The following SPINK2 variants were observed in gnomAD, a reference collection of about 807,000 sequenced individuals.
SPINK2 encodes serine peptidase inhibitor Kazal type 2.
Under a neutral mutation model 13.5 loss-of-function variants are expected in SPINK2, and 8 were observed. The ratio of observed to expected loss-of-function variants is 0.59; its 90% CI spans 0.35 to 1.07. The LOEUF is 1.07. Ranked by LOEUF, SPINK2 falls within the 50% of genes least tolerant of loss-of-function variation. The probability of loss-of-function intolerance (pLI) is 0.02; values close to 1 mark genes in which losing one functional copy is unlikely to be tolerated. For missense variants in SPINK2, 148 were observed against 180.3 expected (o/e 0.82, Z 1.03); for synonymous variants, 76 against 74.7 (o/e 1.02, Z -0.09).
chr4:56,811,345 G>A (rs1316850548), intron 3 of SPINK2, among the ~76,000 whole-genome samples: 6 of 152,100 alleles, frequency 3.9e-5, no homozygotes, highest in Admixed American at 2.0e-4. Flanking sequence ...GAGGTCAGGC[G>A]CGGTGGCTCA....
At chr4:56,818,943 TAGGC>T (rs1287414681) in intron 2 of SPINK2, among the ~76,000 whole-genome samples, 1 of 152,178 alleles carries the variant, frequency 6.6e-6, no homozygotes, top group Non-Finnish European at 1.5e-5. Flanking sequence ...CTGGAGGACG[TAGGC>T]AAACAGGCAA....
chr4:56,817,345 ACTTT>A (rs1262472051), intron 2 of SPINK2, among the ~76,000 whole-genome samples: 1 of 152,218 alleles, frequency 6.6e-6, no homozygotes, highest in East Asian at 1.9e-4. Context: ...AAGACTTAAC[ACTTT>A]TAAGATGGCA....
intron 2 of SPINK2, among the ~76,000 whole-genome samples, chr4:56,812,140 C>T (rs1432502623): frequency 1.3e-5 from 2 of 151,258 alleles, no homozygotes; most frequent in Non-Finnish European, 3.0e-5. Context: ...ATGATCCACC[C>T]GCCTTGGCCT....
At chr4:56,810,381 G>A (rs111499339) in intron 3 of SPINK2, 197 bp from the exon 4 acceptor site, 3 of 578,020 alleles carry the variant, frequency 5.2e-6, no homozygotes, top group Admixed American at 3.6e-5. Context: ...TTTCCCTAAC[G>A]CTAGGGCACA....
chr4:56,821,422 A>G, intron 1 of SPINK2, 36 bp downstream of exon 1: 1 of 1,478,212 alleles, frequency 6.8e-7, no homozygotes. Flanking sequence ...GACTCCACAA[A>G]GCCACCCCCA....
intron 3 of SPINK2, among the ~76,000 whole-genome samples, chr4:56,811,344 C>G (rs527895792): frequency 6.6e-6 from 1 of 152,060 alleles, no homozygotes; most frequent in Non-Finnish European, 1.5e-5. Flanking sequence ...AGAGGTCAGG[C>G]GCGGTGGCTC....
intron 2 of SPINK2, among the ~76,000 whole-genome samples, chr4:56,819,772 T>C (rs1481505684): frequency 6.6e-6 from 1 of 152,060 alleles, no homozygotes; most frequent in Non-Finnish European, 1.5e-5. Flanking sequence ...CGTGCCATGA[T>C]GCCTGGCTAA....
intron 3 of SPINK2, 62 bp downstream of exon 3, chr4:56,811,623 A>G (rs1716983693): frequency 8.4e-7 from 1 of 1,195,892 alleles, no homozygotes; most frequent in Non-Finnish European, 1.2e-6. Flanking sequence ...TCAAAAAAAA[A>G]AAGAAGAAAA....
At chr4:56,815,793 C>A (rs568762927) in intron 2 of SPINK2, among the ~76,000 whole-genome samples, 3 of 147,698 alleles carry the variant, frequency 2.0e-5, no homozygotes. Flanking sequence ...CACACACACA[C>A]ACACAAAACT....
chr4:56,815,798 A>ACACACACAC (rs71194127), intron 2 of SPINK2, among the ~76,000 whole-genome samples: 3 of 149,338 alleles, frequency 2.0e-5, no homozygotes, highest in Non-Finnish European at 4.4e-5. Context: ...ACACACACAC[A>ACACACACAC]AAACTATTAT....
chr4:56,819,139 G>T (rs1294193333), intron 2 of SPINK2, among the ~76,000 whole-genome samples: 1 of 152,118 alleles, frequency 6.6e-6, no homozygotes, highest in East Asian at 1.9e-4. Context: ...GAAGCATTTA[G>T]AACACTGGTG....
At chr4:56,815,058 C>CT (rs1439277278) in intron 2 of SPINK2, among the ~76,000 whole-genome samples, 11 of 151,874 alleles carry the variant, frequency 7.2e-5, no homozygotes, top group Non-Finnish European at 1.3e-4. Flanking sequence ...GCACTCCAGC[C>CT]TAGGGGACAA....
In SPINK2 at chr4:56,821,584, C is replaced by A; in HGVS notation, c.79G>T (p.Glu27Ter). 1 of 1,548,502 alleles carries A rather than the reference C, an allele frequency of 6.5e-7. No homozygotes were observed. The highest frequency in any genetic ancestry group is 1.2e-5 in the South Asian group (1 of 83,934). The stretch of plus-strand genomic sequence containing the variant: ...CCGCTTTTCTCCGGAGGTCCCCGCT[C>A]GCCAGGACCGCTCCGAGCGCTACCT... ...FAGSARSGPG[E>*]RGPPEKSGFG... The change falls in exon 1 of 4, where the codon GAG (glutamate) becomes TAG (stop). Residue 27 changes from glutamate (E) to a stop codon, truncating the protein, a stop_gained. Transcript: ENST00000506738. LOFTEE classifies it high-confidence loss of function.
chr4:56,813,805 A>C (rs948174126), intron 2 of SPINK2, among the ~76,000 whole-genome samples: 1 of 151,580 alleles, frequency 6.6e-6, no homozygotes, highest in East Asian at 1.9e-4. Flanking sequence ...TTTTAGTAGA[A>C]ACAGGGTTTC....
At position 56,811,716 on chromosome 4, in the gene SPINK2, C is replaced by T; in HGVS notation, c.328G>A (p.Ala110Thr). Residue 110 changes from alanine to threonine, a missense_variant, in exon 3 of 4, where the codon GCC becomes ACC. Ala to Thr is a moderately conservative substitution (Grantham distance 58). Transcript: ENST00000506738. ...PVCGSDMSTYANECTLCMKIR... is the reference protein window; with the variant it reads ...PVCGSDMSTYTNECTLCMKIR... Reference sequence around the variant, plus strand: ...TTCATGCACAGAGTACATTCATTGGCATAAGTGGACATGTCACTGCCACAC... The same window carrying T: ...TTCATGCACAGAGTACATTCATTGGTATAAGTGGACATGTCACTGCCACAC... The T allele has an allele frequency of 6.2e-7, 1 of 1,610,308 alleles. No individual in the cohort carries two copies. The highest frequency in any genetic ancestry group is 2.2e-5 in the East Asian group (1 of 44,742).
chr4:56,820,655 T>A (rs3733303), intron 1 of SPINK2, 76 bp from the exon 2 acceptor site: 259,547 of 1,208,412 alleles, frequency 0.21, 14,987 homozygotes, highest in African/African-American at 0.38. Flanking sequence ...TTTTTTTTTT[T>A]AAATGAAGTC....
At chr4:56,812,876 A>G (rs768293208) in intron 2 of SPINK2, among the ~76,000 whole-genome samples, 25 of 152,214 alleles carry the variant, frequency 1.6e-4, no homozygotes, top group African/African-American at 2.9e-4. Flanking sequence ...TGTTCAAAAC[A>G]GGTTCATCAT....
intron 2 of SPINK2, among the ~76,000 whole-genome samples, chr4:56,815,742 T>C (rs909104668): frequency 6.7e-5 from 10 of 149,296 alleles, no homozygotes; most frequent in African/African-American, 2.5e-4. Flanking sequence ...AATCTTGTTA[T>C]ATAGAAATTC....
chr4:56,811,845 T>C (rs1717005057), intron 2 of SPINK2, 51 bp from the exon 3 acceptor site: 3 of 1,075,590 alleles, frequency 2.8e-6, no homozygotes, highest in African/African-American at 3.2e-5. Flanking sequence ...CACACTCATA[T>C]AAAATAGTTC....
Sources: gnomAD v4.1 joint callset for allele counts (sites outside exome capture counted in the v4.1 genomes callset) on GRCh38, gnomAD v4.1.1 for gene constraint, MANE v1.5 for transcripts, NCBI Gene and HGNC (gene_info 2026-07-23, HGNC 2026-07-21) for gene names.